Variants in CHN1 observed in about 807,000 individuals in gnomAD.
The protein encoded by CHN1 is N-chimaerin.
A neutral mutation model predicts 59.5 loss-of-function variants in CHN1; 37 were observed. The ratio of observed to expected loss-of-function variants is 0.62; its 90% CI spans 0.48 to 0.82. The LOEUF (loss-of-function observed/expected upper bound fraction) is 0.82. CHN1 is among the 40% of genes least tolerant of loss of function. The pLI is 0.00. For synonymous variants in CHN1, 206 were observed against 200.4 expected, an observed-to-expected ratio of 1.03 and a Z score of -0.24; for missense variants, 469 against 571.0, an observed-to-expected ratio of 0.82 and a Z score of 1.82.
At chr2:174,883,779 A>C (rs1157293524) in intron 5 of CHN1, among the ~76,000 whole-genome samples, 2 of 152,086 alleles carry the variant, frequency 1.3e-5, no homozygotes, top group African/African-American at 4.8e-5. Flanking sequence ...TTTAACCAAA[A>C]AACATTAGAA....
chr2:174,915,199 G>A (rs1226193414), intron 4 of CHN1, 28 bp from the exon 5 acceptor site: 4 of 1,523,088 alleles, frequency 2.6e-6, no homozygotes, highest in Non-Finnish European at 3.6e-6. Flanking sequence ...TTCAGAAACT[G>A]TGCTTTCTAC....
intron 1 of CHN1, among the ~76,000 whole-genome samples, chr2:175,002,296 G>A (rs1691917775): frequency 6.6e-6 from 1 of 152,198 alleles, no homozygotes; most frequent in Non-Finnish European, 1.5e-5. Flanking sequence ...AAATGAGACT[G>A]TAAAATCTTT....
chr2:174,999,266 T>C lies in CHN1; in HGVS notation c.19+5628A>G, dbSNP rs910016066. Among the ~76,000 whole-genome samples, 4 of 152,274 alleles carry C rather than the reference T, an allele frequency of 2.6e-5. No homozygotes were observed. The South Asian group carries it at 6.2e-4, about 24-fold the overall frequency. ...CCAGGCTCAAGGACTTGCCTTGAATTGAGTTTGCACAGAAAGTTCTGTGAT... is the reference window on the plus strand; with the variant it reads ...CCAGGCTCAAGGACTTGCCTTGAATCGAGTTTGCACAGAAAGTTCTGTGAT... On this transcript the variant is annotated intron_variant, in intron 1 of 12. Transcript: ENST00000409900.
chr2:174,872,593 G>A (rs913673166), intron 6 of CHN1, among the ~76,000 whole-genome samples: 5 of 152,160 alleles, frequency 3.3e-5, no homozygotes, highest in Non-Finnish European at 7.4e-5. Context: ...ATTGGACAAA[G>A]GCATACGTTT....
At chr2:174,930,425 G>A (rs751201984) in intron 3 of CHN1, among the ~76,000 whole-genome samples, 4 of 152,166 alleles carry the variant, frequency 2.6e-5, no homozygotes, top group Admixed American at 6.5e-5. Flanking sequence ...CTTTATTACG[G>A]CTCAGGGTGT....
At chr2:174,830,126 G>C (rs540741316) in intron 7 of CHN1, among the ~76,000 whole-genome samples, 1 of 152,030 alleles carries the variant, frequency 6.6e-6, no homozygotes, top group Admixed American at 6.6e-5. Context: ...CCAGCTACTC[G>C]GGAGGCTGAG....
At chr2:174,970,151 C>T (rs1184078562) in intron 1 of CHN1, among the ~76,000 whole-genome samples, 1 of 152,086 alleles carries the variant, frequency 6.6e-6, no homozygotes, top group Non-Finnish European at 1.5e-5. Flanking sequence ...TCCTTGAGTA[C>T]ACTTCTTTTG....
chr2:174,943,532 CT>C (rs955338428), intron 3 of CHN1, among the ~76,000 whole-genome samples: 4 of 152,010 alleles, frequency 2.6e-5, no homozygotes, highest in Middle Eastern at 3.4e-3. Context: ...GCTGGGTTTG[CT>C]TTTTAAAAAT....
At chr2:174,804,601 A>G (rs1171554118) in intron 11 of CHN1, among the ~76,000 whole-genome samples, 1 of 152,206 alleles carries the variant, frequency 6.6e-6, no homozygotes, top group Admixed American at 6.5e-5. Context: ...AATGAAGGTA[A>G]TAAGAATTTG....
intron 3 of CHN1, among the ~76,000 whole-genome samples, chr2:174,925,040 A>T (rs1053502169): frequency 1.3e-5 from 2 of 152,234 alleles, no homozygotes; most frequent in Non-Finnish European, 2.9e-5. Flanking sequence ...AAGAAAAATG[A>T]TTTCTAACTG....
At chr2:174,955,797 G>C (rs1443594145) in intron 1 of CHN1, among the ~76,000 whole-genome samples, 1 of 152,148 alleles carries the variant, frequency 6.6e-6, no homozygotes, top group Non-Finnish European at 1.5e-5. Flanking sequence ...CACAGGAACA[G>C]AAAACCAAAT....
chr2:174,820,284 A>G (rs1199906605), intron 8 of CHN1, among the ~76,000 whole-genome samples: 1 of 152,184 alleles, frequency 6.6e-6, no homozygotes, highest in East Asian at 1.9e-4. Flanking sequence ...CAGTCCCACC[A>G]ACAGTGTAAA....
chr2:175,005,181 G>A lies in CHN1; in HGVS notation c.-269C>T. 2 of 1,261,998 alleles carry A rather than the reference G, an allele frequency of 1.6e-6. No individual in the cohort carries two copies. Among genetic ancestry groups the A allele is most frequent in the Admixed American group, 9.1e-5 (2 of 22,058 alleles). 78.2% of individuals were successfully genotyped at this position (1,261,998 alleles called of 1,614,324 possible). ...GGCACTTGTCGCTGCCATCAGGCGC[G>A]GAGCGTGCGCGCGGGAGGAGGTACC... On this transcript the variant is annotated 5_prime_UTR_variant, in exon 1 of 13. Coordinates refer to ENST00000409900, the MANE Select transcript of CHN1 (RefSeq NM_001822.7).
In CHN1 at chr2:174,847,396, AAAG is replaced by A. The variant is rs1322562057; in HGVS notation, c.550-442_550-440del. 7.1e-5 allele frequency: 86 copies of A among 1,203,148 alleles called. 1 individual carries two copies. The East Asian group carries it at 2.8e-3, about 39-fold the overall frequency. 74.5% of individuals were successfully genotyped at this position (1,203,148 alleles called of 1,614,324 possible). A position where few individuals can be genotyped will look rare whatever the true frequency, so the allele number is the denominator to read the frequency against. ...AAAACTTGAGTCTGAACAGAAATAA[AAAG>A]AAAGAGTCGATGCTAACATACAAAA... On this transcript the variant is annotated intron_variant, in intron 6 of 12. Coordinates refer to ENST00000409900, the MANE Select transcript of CHN1 (RefSeq NM_001822.7).
chr2:174,921,834 T>C (rs376048046), intron 3 of CHN1, among the ~76,000 whole-genome samples: 7 of 152,284 alleles, frequency 4.6e-5, no homozygotes, highest in African/African-American at 1.4e-4. Flanking sequence ...ACTGCTCCCA[T>C]GATTCAATTA....
chr2:174,825,241 CTA>C (rs769977863), intron 7 of CHN1, among the ~76,000 whole-genome samples: 250 of 152,226 alleles, frequency 1.6e-3, no homozygotes, highest in Non-Finnish European at 2.2e-3. Flanking sequence ...CCTTCTGTGA[CTA>C]TGAGTAGGAT....
intron 1 of CHN1, among the ~76,000 whole-genome samples, chr2:174,974,896 A>ACACAC (rs1559005611): frequency 0.077 from 7,740 of 100,826 alleles, 297 homozygotes; most frequent in Middle Eastern, 0.13. Flanking sequence ...AGAAATAATT[A>ACACAC]ATACACACAC....
intron 6 of CHN1, among the ~76,000 whole-genome samples, chr2:174,850,183 CATTA>C (rs1382901273): frequency 6.6e-6 from 1 of 152,172 alleles, no homozygotes; most frequent in Admixed American, 6.6e-5. Context: ...TTCACTGGTT[CATTA>C]GTTATGGGAC....
At chr2:174,877,656 T>G (rs1248819361) in intron 6 of CHN1, among the ~76,000 whole-genome samples, 184 bp downstream of exon 6, 1 of 152,164 alleles carries the variant, frequency 6.6e-6, no homozygotes, top group Non-Finnish European at 1.5e-5. Context: ...AAAATTTACC[T>G]AACATATTTT....
Sources: allele counts gnomAD v4.1 joint callset (sites outside exome capture counted in the v4.1 genomes callset), GRCh38; gene constraint gnomAD v4.1.1; transcripts MANE v1.5; gene names NCBI Gene and HGNC (gene_info 2026-07-23, HGNC 2026-07-21).